CNPY1: variants seen among roughly 807,000 people sequenced by gnomAD.
CNPY1 encodes protein canopy homolog 1.
In CNPY1, 14 loss-of-function variants were observed where a neutral mutation model predicts 14.4. The observed-to-expected ratio is 0.97, with a 90% confidence interval of 0.64 to 1.52. CNPY1 has a LOEUF of 1.52. Ranked by LOEUF, CNPY1 falls within the 40% of genes most tolerant of loss-of-function variation. The probability of loss-of-function intolerance (pLI) is 0.00; values close to 1 mark genes in which losing one functional copy is unlikely to be tolerated. For missense variants in CNPY1, 129 were observed against 131.5 expected, an observed-to-expected ratio of 0.98 and a Z score of 0.09; for synonymous variants, 43 against 46.5, an observed-to-expected ratio of 0.92 and a Z score of 0.31.
At chr7:155,518,826 C>G (rs530332926) in intron 2 of CNPY1, among the ~76,000 whole-genome samples, 3 of 152,128 alleles carry the variant, frequency 2.0e-5, no homozygotes, top group Non-Finnish European at 4.4e-5. Flanking sequence ...TACTCAGGGA[C>G]GGGCAGCCTG....
chr7:155,507,593 C>A (rs1262836160), intron 3 of CNPY1, among the ~76,000 whole-genome samples: 2 of 150,592 alleles, frequency 1.3e-5, no homozygotes, highest in Non-Finnish European at 2.9e-5. Context: ...AACAATTAAG[C>A]CTTCTCAGCA....
intron 2 of CNPY1, among the ~76,000 whole-genome samples, chr7:155,515,977 GTC>G (rs1796614665): frequency 6.6e-6 from 1 of 151,134 alleles, no homozygotes. Context: ...CCAGTTATGT[GTC>G]TACATGTGTG....
Position 155,501,994 on chromosome 7 carries a change from C to CGG in CNPY1, c.*1072_*1073dup, listed in dbSNP as rs1554446746. On this transcript the variant is annotated 3_prime_UTR_variant, in exon 5 of 5. Transcript: ENST00000636446. ...AACAATATGGCAAAGAGTTTTGGGT[C>CGG]GGGGGGGTTGGGGGGGGGATTTGTA... The CGG allele has an allele frequency of 8.1e-5, 1 of 12,350 alleles. No individual in the cohort carries two copies. The highest frequency in any genetic ancestry group is 3.9e-3 in the East Asian group (1 of 258). The allele number at this position is 12,350 out of a possible 1,614,324, so 0.8% of individuals were successfully genotyped here.
intron 2 of CNPY1, among the ~76,000 whole-genome samples, chr7:155,544,763 G>A (rs1011873157): frequency 3.9e-5 from 6 of 152,228 alleles, no homozygotes; most frequent in African/African-American, 9.6e-5. Context: ...GGGTCCCTCC[G>A]GTGGACTTGC....
chr7:155,543,787 C>T (rs1013876132), intron 2 of CNPY1, among the ~76,000 whole-genome samples: 21 of 152,202 alleles, frequency 1.4e-4, no homozygotes, highest in African/African-American at 4.8e-4. Context: ...TGATGCTGGC[C>T]TGGGCTACTT....
rs1489364262 is a variant in CNPY1 at position 155,536,737 on chromosome 7, C to G, written c.99+9094G>C. The stretch of plus-strand genomic sequence containing the variant: ...TGGGTCCCTGAATGACCAAGTGGAG[C>G]AGAGCCCCGTGCCAACCCACACTAG... On this transcript the variant is annotated intron_variant, in intron 2 of 4. Transcript: ENST00000636446. This position sits in a 1 kb window ranked among gnomAD's most constrained non-coding sequence, Gnocchi z 4.1. 6.6e-6 allele frequency among the ~76,000 whole-genome samples: 1 copy of G among 152,174 alleles called. No homozygotes were observed. The highest frequency in any genetic ancestry group is 2.4e-5 in the African/African-American group (1 of 41,446).
chr7:155,539,399 G>A (rs1235535723), intron 2 of CNPY1, among the ~76,000 whole-genome samples: 1 of 152,076 alleles, frequency 6.6e-6, no homozygotes, highest in Admixed American at 6.5e-5. Context: ...CTACATTCTT[G>A]TATGCCACTA....
chr7:155,533,303 G>C (rs967454405), intron 2 of CNPY1, among the ~76,000 whole-genome samples: 1 of 152,216 alleles, frequency 6.6e-6, no homozygotes, highest in Non-Finnish European at 1.5e-5. Flanking sequence ...AGATAAGTGA[G>C]TCTGCTCGGA....
chr7:155,510,441 C>T (rs1042720819), intron 2 of CNPY1: 16 of 152,348 alleles, frequency 1.1e-4, no homozygotes, highest in African/African-American at 3.8e-4. Context: ...AGAAATACCG[C>T]CGCCGATTAA....
At position 155,502,003 on chromosome 7, in the gene CNPY1, T is replaced by TGGGGGGGGGGTGGGG. The variant is rs60236629; in HGVS notation, c.*1064_*1065insCCCCACCCCCCCCCC. 1 of 125,326 alleles carries TGGGGGGGGGGTGGGG rather than the reference T, an allele frequency of 8.0e-6. No individual in the cohort carries two copies. The highest frequency in any genetic ancestry group is 1.7e-5 in the Non-Finnish European group (1 of 60,134). The allele number at this position is 125,326 out of a possible 1,614,324, so 7.8% of individuals were successfully genotyped here. ...GCAAAGAGTTTTGGGTCGGGGGGGT[T>TGGGGGGGGGGTGGGG]GGGGGGGGGATTTGTAGCATCCTAC... On this transcript the variant is annotated 3_prime_UTR_variant, in exon 5 of 5. Transcript: ENST00000636446.
chr7:155,538,745 C>T (rs545640698), intron 2 of CNPY1, among the ~76,000 whole-genome samples: 1 of 152,314 alleles, frequency 6.6e-6, no homozygotes, highest in South Asian at 2.1e-4. Context: ...CAAAGCTGTT[C>T]ACTTTTCTGC....
chr7:155,526,129 T>C (rs1796814250), intron 2 of CNPY1, among the ~76,000 whole-genome samples: 1 of 152,240 alleles, frequency 6.6e-6, no homozygotes, highest in Non-Finnish European at 1.5e-5. Flanking sequence ...CAAAATACTT[T>C]TGATGTTCAG....
intron 2 of CNPY1, among the ~76,000 whole-genome samples, chr7:155,512,472 T>G (rs1375585437): frequency 1.3e-5 from 2 of 152,124 alleles, no homozygotes; most frequent in African/African-American, 4.8e-5. Context: ...AGCAATGGAA[T>G]GGGGGTGGGG....
chr7:155,512,010 A>G (rs1191433125), intron 2 of CNPY1, among the ~76,000 whole-genome samples: 2 of 152,132 alleles, frequency 1.3e-5, no homozygotes, highest in South Asian at 2.1e-4. Flanking sequence ...TTCCCCCTCA[A>G]AGTGTTTTGA....
At chr7:155,522,925 T>A (rs2116719901) in intron 2 of CNPY1, among the ~76,000 whole-genome samples, 1 of 152,334 alleles carries the variant, frequency 6.6e-6, no homozygotes, top group South Asian at 2.1e-4. Context: ...CTGAAGCACA[T>A]TAAATCCAGC....
At chr7:155,539,812 C>A (rs371932371) in intron 2 of CNPY1, among the ~76,000 whole-genome samples, 2 of 152,146 alleles carry the variant, frequency 1.3e-5, no homozygotes, top group African/African-American at 4.8e-5. Context: ...GAAGTGGGGG[C>A]CCGTGGGCCA....
At chr7:155,534,307 GCA>G (rs1005593885) in intron 2 of CNPY1, among the ~76,000 whole-genome samples, 13 of 151,754 alleles carry the variant, frequency 8.6e-5, no homozygotes, top group East Asian at 5.8e-4. Flanking sequence ...ACACGTGCAT[GCA>G]CACACACACA....
chr7:155,527,715 G>A (rs1796856131), intron 2 of CNPY1, among the ~76,000 whole-genome samples: 1 of 151,860 alleles, frequency 6.6e-6, no homozygotes, highest in African/African-American at 2.4e-5. Flanking sequence ...GCCTCCCAAA[G>A]TGCTAGGATT....
intron 4 of CNPY1, among the ~76,000 whole-genome samples, chr7:155,506,368 G>C (rs1796308133): frequency 1.3e-5 from 2 of 152,206 alleles, no homozygotes; most frequent in African/African-American, 4.8e-5. Flanking sequence ...ACAGAGCGGA[G>C]AGTCAGTGAC....
Sources: gnomAD v4.1 joint callset for allele counts (sites outside exome capture counted in the v4.1 genomes callset) on GRCh38, gnomAD v4.1.1 for gene constraint, Gnocchi (gnomAD v3.1) non-coding constraint, MANE v1.5 for transcripts, NCBI Gene and HGNC (gene_info 2026-07-23, HGNC 2026-07-21) for gene names.